The following PTPN1 variants were observed in gnomAD, a reference collection of about 807,000 sequenced individuals.
PTPN1 encodes the protein tyrosine-protein phosphatase non-receptor type 1.
In PTPN1, 12 loss-of-function variants were observed where a neutral mutation model predicts 59.9. The observed-to-expected ratio is 0.20, with a 90% CI of 0.13 to 0.32. The LOEUF (loss-of-function observed/expected upper bound fraction) is 0.32, where lower values mean the gene tolerates loss of function less well. Among genes scored for constraint, PTPN1 ranks in the 10% least tolerant of loss-of-function variants. The pLI, the probability that PTPN1 is intolerant of heterozygous loss-of-function variation, is 1.00. For missense variants in PTPN1, 356 were observed against 549.2 expected, an observed-to-expected ratio of 0.65 and a Z score of 3.52; for synonymous variants, 178 against 203.6, an observed-to-expected ratio of 0.87 and a Z score of 1.07.
At chr20:50,576,108 A>G (rs1305446000) in intron 5 of PTPN1, among the ~76,000 whole-genome samples, 2 of 152,152 alleles carry the variant, frequency 1.3e-5, no homozygotes, top group African/African-American at 2.4e-5. Flanking sequence ...CATAGCCCTG[A>G]TGGGGCAGAG....
intron 1 of PTPN1, among the ~76,000 whole-genome samples, chr20:50,539,439 G>A (rs192572395): frequency 1.3e-5 from 2 of 152,086 alleles, no homozygotes; most frequent in African/African-American, 4.8e-5. Flanking sequence ...ATAATAGTTT[G>A]TCAGCAGCCT....
intron 1 of PTPN1, among the ~76,000 whole-genome samples, chr20:50,525,839 T>C (rs1353705475): frequency 2.0e-5 from 3 of 152,102 alleles, no homozygotes; most frequent in Non-Finnish European, 4.4e-5. Context: ...GAAGTAGATA[T>C]ATGGGGTAAA....
chr20:50,548,154 T>G (rs959393953), intron 1 of PTPN1, among the ~76,000 whole-genome samples: 1 of 152,218 alleles, frequency 6.6e-6, no homozygotes, highest in African/African-American at 2.4e-5. Flanking sequence ...GTTTTGTGTT[T>G]CGTAATTCTT....
rs2082567131 is a variant in PTPN1 at position 50,524,796 on chromosome 20, C to T, written c.63+14206C>T. 2.6e-5 allele frequency among the ~76,000 whole-genome samples: 4 copies of T among 151,800 alleles called. No individual in the cohort carries two copies. In the South Asian group the frequency reaches 6.2e-4, roughly 24 times the overall value. On this transcript the variant is annotated intron_variant, in intron 1 of 9. Transcript: ENST00000371621. ...TTCACCATGTTGGTCAGGCTGGTCTCGAACTCCTGACCTCATGATCCACTC... is the reference window on the plus strand; with the variant it reads ...TTCACCATGTTGGTCAGGCTGGTCTTGAACTCCTGACCTCATGATCCACTC...
chr20:50,534,549 A>T (rs2082615449), intron 1 of PTPN1, among the ~76,000 whole-genome samples: 1 of 150,984 alleles, frequency 6.6e-6, no homozygotes, highest in East Asian at 1.9e-4. Flanking sequence ...TTTTACTGTA[A>T]TTTTTTTTTC....
At chr20:50,561,738 G>A (rs1331850782) in intron 2 of PTPN1, among the ~76,000 whole-genome samples, 1 of 152,172 alleles carries the variant, frequency 6.6e-6, no homozygotes, top group African/African-American at 2.4e-5. Flanking sequence ...CCTACCAGCT[G>A]AAGCAGAGTA....
At chr20:50,512,224 G>T (rs553591579) in intron 1 of PTPN1, among the ~76,000 whole-genome samples, 1 of 152,274 alleles carries the variant, frequency 6.6e-6, no homozygotes, top group East Asian at 1.9e-4. Context: ...TCAGTTTAAT[G>T]CAGTAGAGTC....
At chr20:50,579,454 T>G (rs1201759259) in intron 7 of PTPN1, 125 bp downstream of exon 7, 3 of 1,190,812 alleles carry the variant, frequency 2.5e-6, no homozygotes, top group Non-Finnish European at 3.6e-6. Flanking sequence ...CCTTCATGTT[T>G]AAAATAGCTA....
chr20:50,519,669 G>A (rs2082542884), intron 1 of PTPN1, among the ~76,000 whole-genome samples: 1 of 152,134 alleles, frequency 6.6e-6, no homozygotes, highest in African/African-American at 2.4e-5. Context: ...TATTTACAGG[G>A]CAAAACTGTG....
chr20:50,579,606 C>T (rs2082855136), intron 7 of PTPN1, 97 bp from the exon 8 acceptor site: 3 of 1,120,988 alleles, frequency 2.7e-6, no homozygotes, highest in African/African-American at 1.6e-5. Context: ...GGCCGAGAGC[C>T]CCTCGCCAAG....
intron 2 of PTPN1, among the ~76,000 whole-genome samples, chr20:50,561,769 T>C (rs1042046429): frequency 2.0e-5 from 3 of 152,156 alleles, no homozygotes; most frequent in Non-Finnish European, 4.4e-5. Context: ...AATAAAACCT[T>C]TTCTGGATGA....
chr20:50,559,179 C>G (rs1282514665), intron 1 of PTPN1, among the ~76,000 whole-genome samples: 1 of 151,788 alleles, frequency 6.6e-6, no homozygotes, highest in Non-Finnish European at 1.5e-5. Flanking sequence ...TTACAGGTGC[C>G]CGCCACCACG....
intron 8 of PTPN1, among the ~76,000 whole-genome samples, chr20:50,580,776 G>A (rs1006655438): frequency 2.0e-5 from 3 of 152,214 alleles, no homozygotes; most frequent in African/African-American, 7.2e-5. Flanking sequence ...TTGTGGCATT[G>A]TTTGTAGTAG....
rs1435780494 is a variant in PTPN1, at chr20:50,582,901, T to G, written c.*186T>G. The G allele has an allele frequency of 1.2e-5, 8 of 665,498 alleles. No homozygotes were observed. Among genetic ancestry groups the G allele is most frequent in the Non-Finnish European group, 2.1e-5 (8 of 387,710 alleles). The allele number at this position is 665,498 out of a possible 1,614,324, so 41.2% of individuals were successfully genotyped here. A position where few individuals can be genotyped will look rare whatever the true frequency, so the allele number is the denominator to read the frequency against. On this transcript the variant is annotated 3_prime_UTR_variant, in exon 10 of 10. Transcript: ENST00000371621. The surrounding 1 kb of genome is among the most constrained non-coding windows in gnomAD (Gnocchi z 4.2). Reference sequence around the variant, plus strand: ...ATGTGTGTCTCACCCCTCATCCTTTTACTTTTTGCCCCTTCCACTTTGAGT... The same window carrying G: ...ATGTGTGTCTCACCCCTCATCCTTTGACTTTTTGCCCCTTCCACTTTGAGT...
At chr20:50,553,232 A>G (rs190456347) in intron 1 of PTPN1, among the ~76,000 whole-genome samples, 6 of 152,358 alleles carry the variant, frequency 3.9e-5, no homozygotes, top group Non-Finnish European at 5.9e-5. Flanking sequence ...CGAAAACTAT[A>G]GAGTGATAAT....
At chr20:50,574,387 C>A in intron 4 of PTPN1, 130 bp from the exon 5 acceptor site, 2 of 963,642 alleles carry the variant, frequency 2.1e-6, no homozygotes, top group Non-Finnish European at 1.5e-6. Context: ...CTGTGCTGAC[C>A]ATGGCTTCCA....
intron 1 of PTPN1, among the ~76,000 whole-genome samples, chr20:50,522,615 C>T (rs1358351005): frequency 6.6e-6 from 1 of 152,208 alleles, no homozygotes; most frequent in Non-Finnish European, 1.5e-5. Context: ...CCTTCTTGAA[C>T]ACCTATTACT....
chr20:50,563,046 T>C (rs909785519), intron 2 of PTPN1: 5 of 147,064 alleles, frequency 3.4e-5, no homozygotes, highest in African/African-American at 1.3e-4. Flanking sequence ...AACTATGTGA[T>C]CACAACCAGT....
rs190646499 is a variant in PTPN1, at chr20:50,556,643, T to G, written c.64-4720T>G. Among the ~76,000 whole-genome samples, 425 of 152,314 alleles carry G rather than the reference T, an allele frequency of 2.8e-3. 2 individuals are homozygous for G. The highest frequency in any genetic ancestry group is 9.5e-3 in the African/African-American group (395 of 41,550). ...TGACTCAAGGAGTCAAATAGTACCG[T>G]AATCGGTTTATGATAAAATCCAGTG... On this transcript the variant is annotated intron_variant, in intron 1 of 9. Transcript: ENST00000371621.
Sources: allele counts gnomAD v4.1 joint callset (sites outside exome capture counted in the v4.1 genomes callset), GRCh38; gene constraint gnomAD v4.1.1; non-coding constraint Gnocchi (gnomAD v3.1); transcripts MANE v1.5; gene names NCBI Gene and HGNC (gene_info 2026-07-23, HGNC 2026-07-21).